The following HMCN1 variants were observed in gnomAD, a reference collection of about 807,000 sequenced individuals.
The protein encoded by HMCN1 is hemicentin-1.
Under a neutral mutation model 625.9 loss-of-function variants are expected in HMCN1, and 321 were observed. The observed-to-expected ratio is 0.51, with a 90% CI of 0.47 to 0.56. The LOEUF (loss-of-function observed/expected upper bound fraction) is 0.56, where lower values mean the gene tolerates loss of function less well. Among genes scored for constraint, HMCN1 ranks in the 20% least tolerant of loss-of-function variants. The pLI is 0.00. For synonymous variants in HMCN1, 2,425 were observed against 2,417.6 expected, an observed-to-expected ratio of 1.00 and a Z score of -0.09; for missense variants, 6,588 against 6,887.3, an observed-to-expected ratio of 0.96 and a Z score of 1.54.
At chr1:185,773,540 A>G (rs1656391749) in intron 1 of HMCN1, among the ~76,000 whole-genome samples, 1 of 152,152 alleles carries the variant, frequency 6.6e-6, no homozygotes, top group Non-Finnish European at 1.5e-5. Context: ...CAACATGTAG[A>G]GGAGGGCAGA....
intron 4 of HMCN1, among the ~76,000 whole-genome samples, chr1:185,883,767 A>G (rs1013939723): frequency 6.6e-6 from 1 of 150,848 alleles, no homozygotes; most frequent in African/African-American, 2.4e-5. Context: ...ATGTATTTTA[A>G]TTTCACTGTG....
At chr1:185,819,815 G>T (rs1660076045) in intron 1 of HMCN1, among the ~76,000 whole-genome samples, 1 of 152,140 alleles carries the variant, frequency 6.6e-6, no homozygotes, top group Non-Finnish European at 1.5e-5. Flanking sequence ...TTTCCATGGT[G>T]GAAAAGTCAA....
intron 105 of HMCN1, among the ~76,000 whole-genome samples, chr1:186,182,806 A>C (rs1401303547): frequency 6.6e-6 from 1 of 152,244 alleles, no homozygotes; most frequent in African/African-American, 2.4e-5. Context: ...AATAAGATAG[A>C]GTCTTCCCCT....
intron 1 of HMCN1, among the ~76,000 whole-genome samples, chr1:185,743,785 A>G (rs936803385): frequency 2.6e-5 from 4 of 152,174 alleles, no homozygotes; most frequent in South Asian, 2.1e-4. Context: ...TGATGCTATC[A>G]TGGTTAAATA....
chr1:185,774,547 G>A (rs902080100), intron 1 of HMCN1, among the ~76,000 whole-genome samples: 3 of 152,128 alleles, frequency 2.0e-5, no homozygotes, highest in Admixed American at 1.3e-4. Context: ...GGAGAAGAGC[G>A]GCAGAGGAGA....
At chr1:185,972,001 A>G (rs922065665) in intron 15 of HMCN1, among the ~76,000 whole-genome samples, 1 of 152,214 alleles carries the variant, frequency 6.6e-6, no homozygotes, top group African/African-American at 2.4e-5. Context: ...TGTAAAACAC[A>G]GTAATGCTTT....
At chr1:185,964,183 A>G (rs1002000845) in intron 13 of HMCN1, among the ~76,000 whole-genome samples, 3 of 152,052 alleles carry the variant, frequency 2.0e-5, no homozygotes, top group Admixed American at 1.3e-4. Context: ...TCTCTGCAAT[A>G]TTTTACTTTT....
chr1:185,928,334 T>A (rs1199686191), intron 9 of HMCN1, among the ~76,000 whole-genome samples: 2 of 152,182 alleles, frequency 1.3e-5, no homozygotes, highest in African/African-American at 2.4e-5. Context: ...TTATTGTTTA[T>A]GTTGTGTCTT....
chr1:185,922,593 C>G, intron 7 of HMCN1, 94 bp downstream of exon 7: 1 of 1,220,200 alleles, frequency 8.2e-7, no homozygotes, highest in Non-Finnish European at 1.2e-6. Context: ...TTGTAGTATT[C>G]AATAAAATTG....
rs571820947 is a variant in HMCN1, at chr1:186,144,208, A to G, written c.13960A>G (p.Thr4654Ala). 1.9e-6 allele frequency: 3 copies of G among 1,610,776 alleles called. No homozygotes were observed. In the African/African-American group the frequency reaches 4.0e-5, roughly 21 times the overall value. ...GAWSAWQPWG[T>A]CSESCGKGTQ... is the part of the protein sequence containing the mutation. ...ATGGAGCGCTTGGCAGCCTTGGGGA[A>G]CATGCAGCGAAAGTTGTGGGAAAGG... The change falls in exon 90 of 107, where the codon ACA (threonine) becomes GCA (alanine). Residue 4654 changes from threonine to alanine, a missense_variant. Thr to Ala is a moderately conservative substitution (Grantham distance 58). Around this residue, in one of 3 missense-constraint regions of HMCN1, gnomAD observed 1,954 missense variants for 2,013.1 expected, o/e 0.97. Coordinates refer to ENST00000271588, the MANE Select transcript of HMCN1 (RefSeq NM_031935.3).
In HMCN1 at chr1:186,117,315, C is replaced by A. The variant is rs1248722113; in HGVS notation, c.11684-144C>A. The A allele has an allele frequency of 1.0e-5, 12 of 1,171,360 alleles. No homozygotes were observed. In the East Asian group the frequency reaches 2.8e-4, roughly 27 times the overall value. 72.6% of individuals were successfully genotyped at this position (1,171,360 alleles called of 1,614,324 possible). ...AATTACTTCATCACCCAGGTATTAACCCAGAAATAAAAGGAGGAATCCCTT... is the reference window on the plus strand; with the variant it reads ...AATTACTTCATCACCCAGGTATTAAACCAGAAATAAAAGGAGGAATCCCTT... On this transcript the variant is annotated intron_variant, in intron 76 of 106. Coordinates refer to ENST00000271588, the MANE Select transcript of HMCN1 (RefSeq NM_031935.3).
rs1652679897 is a variant in HMCN1, at chr1:185,994,905, T to C, written c.3596T>C (p.Leu1199Pro). The C allele has an allele frequency of 6.2e-7, 1 of 1,613,800 alleles. No homozygotes were observed. Among genetic ancestry groups the C allele is most frequent in the Non-Finnish European group, 8.5e-7 (1 of 1,179,850 alleles). ...DIPCNAQGTP[L>P]PVITWSKGGS... Reference sequence around the variant, plus strand: ...CCATGTAATGCTCAAGGGACTCCTCTTCCTGTAATCACCTGGTCCAAAGGT... The same window carrying C: ...CCATGTAATGCTCAAGGGACTCCTCCTCCTGTAATCACCTGGTCCAAAGGT... The change falls in exon 24 of 107, where the codon CTT becomes CCT. Residue 1199 changes from leucine (L) to proline (P), a missense_variant. By Grantham distance (98) the Leu-to-Pro change is moderately conservative (BLOSUM62 -3). Transcript: ENST00000271588.
chr1:186,182,271 T>A lies in HMCN1; in HGVS notation c.16398T>A (p.Asn5466Lys). ...CACCTGGCTATCAACTCACACACAA[T>A]GGAAAGACATGCCAAGGTGAGAAAA... ...ICPPGYQLTH[N>K]GKTCQDIDEC... Residue 5466 changes from asparagine to lysine, a missense_variant, in exon 105 of 107, where the codon AAT becomes AAA. Transcript: ENST00000271588. 1 of 1,613,424 alleles carries A rather than the reference T, an allele frequency of 6.2e-7. No homozygotes were observed. The highest frequency in any genetic ancestry group is 8.5e-7 in the Non-Finnish European group (1 of 1,179,462).
At chr1:186,048,592 G>A (rs1357955183) in intron 41 of HMCN1, 151 bp from the exon 42 acceptor site, 1 of 624,834 alleles carries the variant, frequency 1.6e-6, no homozygotes, top group East Asian at 2.9e-5. Flanking sequence ...CTGGGTGATG[G>A]GTATATAGCC....
rs1018560388 is a variant in HMCN1 at position 186,093,406 on chromosome 1, G to C, written c.10013-80G>C. ...TTTGGGCTACAATTTTGAAATGAGA[G>C]CAATTGTAGTAGAAATTATTTGAAC... is the stretch of plus-strand genomic sequence containing the variant. On this transcript the variant is annotated intron_variant, in intron 65 of 106. Transcript: ENST00000271588. 7.7e-5 allele frequency: 122 copies of C among 1,579,138 alleles called. No individual in the cohort carries two copies. The African/African-American group carries it at 1.3e-3, about 17-fold the overall frequency.
Position 185,861,805 on chromosome 1 carries a change from A to G in HMCN1, c.340-2665A>G, listed in dbSNP as rs569223480. ...CACATTTGACTGGAAACAAAGCTTT[A>G]AAGAGGGGAAGGCATATTATCTCAA... On this transcript the variant is annotated intron_variant, in intron 2 of 106. Coordinates refer to ENST00000271588, the MANE Select transcript of HMCN1 (RefSeq NM_031935.3). Among the ~76,000 whole-genome samples, 11 of 152,340 alleles carry G rather than the reference A, an allele frequency of 7.2e-5. 1 individual carries two copies. In the South Asian group the frequency reaches 2.3e-3, roughly 32 times the overall value.
At chr1:185,885,674 T>A (rs1274318735) in intron 4 of HMCN1, among the ~76,000 whole-genome samples, 2 of 152,026 alleles carry the variant, frequency 1.3e-5, no homozygotes. Context: ...AACATCACTG[T>A]ATGTCTATAA....
At chr1:185,920,048 T>C (rs1237567485) in intron 6 of HMCN1, among the ~76,000 whole-genome samples, 2 of 152,254 alleles carry the variant, frequency 1.3e-5, no homozygotes, top group Non-Finnish European at 2.9e-5. Flanking sequence ...CTTACTTTAA[T>C]AGATATCAAA....
At chr1:185,804,496 T>G (rs866821421) in intron 1 of HMCN1, among the ~76,000 whole-genome samples, 2 of 152,104 alleles carry the variant, frequency 1.3e-5, no homozygotes, top group Non-Finnish European at 2.9e-5. Flanking sequence ...ACAGCTTCAT[T>G]TCCTGCAAGA....
Sources: allele counts gnomAD v4.1 joint callset (sites outside exome capture counted in the v4.1 genomes callset), GRCh38; gene constraint gnomAD v4.1.1; regional missense constraint gnomAD v4.1.1; transcripts MANE v1.5; gene names NCBI Gene and HGNC (gene_info 2026-07-23, HGNC 2026-07-21).